Variants in HOXA3 observed in about 807,000 individuals in gnomAD.
HOXA3 encodes homeobox protein Hox-A3.
A neutral mutation model predicts 30.3 loss-of-function variants in HOXA3; 8 were observed. The observed-to-expected ratio is 0.26, with a 90% CI of 0.15 to 0.48. The LOEUF (loss-of-function observed/expected upper bound fraction) is 0.48, where lower values mean the gene tolerates loss of function less well. HOXA3 is among the 20% of genes least tolerant of loss of function. The pLI is 0.99. For missense variants in HOXA3, 653 were observed against 614.4 expected (o/e 1.06, Z -0.66); for synonymous variants, 323 against 273.1 (o/e 1.18, Z -1.80).
intron 4 of HOXA3, 36 bp from the exon 5 acceptor site, chr7:27,110,796 C>T (rs1472170105): frequency 8.3e-6 from 9 of 1,084,100 alleles, no homozygotes; most frequent in African/African-American, 4.7e-5. Context: ...GTGAGGGCTC[C>T]GCGCAAATCC....
rs1441252609 is a variant in HOXA3 at position 27,143,325 on chromosome 7, A to G, written c.-493-3139T>C. ...CAGGGCAGCGGATCGGGCTGAGGAG[A>G]GTGCGTGGACGTGGCCGGCTGGCTG... On this transcript the variant is annotated intron_variant, in intron 1 of 5. Transcript: ENST00000612286. The G allele has an allele frequency of 4.4e-6, 7 of 1,596,220 alleles. No individual in the cohort carries two copies. The highest frequency in any genetic ancestry group is 6.0e-6 in the Non-Finnish European group (7 of 1,174,700).
At chr7:27,127,226 C>T (rs1583393068) in intron 2 of HOXA3, among the ~76,000 whole-genome samples, 156 bp from the exon 3 acceptor site, 2 of 152,182 alleles carry the variant, frequency 1.3e-5, no homozygotes, top group African/African-American at 4.8e-5. Context: ...CCAGAAATCC[C>T]TGGCACCCGT....
At chr7:27,130,471 G>A in intron 2 of HOXA3, 1 of 1,254,746 alleles carries the variant, frequency 8.0e-7, no homozygotes, top group South Asian at 2.9e-5. Flanking sequence ...GGGGTACAGC[G>A]CGGCAGCAGG....
intron 3 of HOXA3, among the ~76,000 whole-genome samples, chr7:27,125,160 G>C (rs1015270312): frequency 6.6e-6 from 1 of 152,242 alleles, no homozygotes; most frequent in East Asian, 1.9e-4. Context: ...GAGGAAAGAT[G>C]TCTGTGCTCT....
rs3735527 is a variant in HOXA3 at position 27,142,115 on chromosome 7, C to G, written c.-493-1929G>C. ...AATAGAAAAGTCAGCGGTTTAGCCA[C>G]CAACTCCTGTCTTCCAAAGTCCGCC... On this transcript the variant is annotated intron_variant, in intron 1 of 5. Coordinates refer to ENST00000612286, the MANE Select transcript of HOXA3 (RefSeq NM_153631.3). 1.6e-5 allele frequency: 26 copies of G among 1,601,610 alleles called. No homozygotes were observed. In the East Asian group the frequency reaches 5.8e-4, roughly 36 times the overall value.
At position 27,108,464 on chromosome 7, in the gene HOXA3, G is replaced by GC. The variant is rs1156971437; in HGVS notation, c.782dup (p.Gln262ProfsTer29). On this transcript the variant is annotated frameshift_variant, in exon 6 of 6. Coordinates refer to ENST00000612286, the MANE Select transcript of HOXA3 (RefSeq NM_153631.3). LOFTEE classifies it high-confidence loss of function. The surrounding 1 kb of genome is among the most constrained non-coding windows in gnomAD (Gnocchi z 5.0). ...GCACGGGGCTGCGACTTGGAGACTGGCCCCCCGATGACGTTAGCATGCCCT... is the reference window on the plus strand; with the variant it reads ...GCACGGGGCTGCGACTTGGAGACTGGCCCCCCCGATGACGTTAGCATGCCCT... The GC allele has an allele frequency of 6.2e-7, 1 of 1,613,914 alleles. No homozygotes were observed. The highest frequency in any genetic ancestry group is 1.6e-4 in the Middle Eastern group (1 of 6,084).
chr7:27,109,204 G>A (rs1410346621), intron 5 of HOXA3, among the ~76,000 whole-genome samples: 1 of 152,216 alleles, frequency 6.6e-6, no homozygotes, highest in East Asian at 1.9e-4. Flanking sequence ...GAGGAGATGG[G>A]CAGACTGGAA....
chr7:27,129,390 C>T lies in HOXA3; in HGVS notation c.-389-2320G>A, dbSNP rs775659639. ...TGTGGTCTTTCTTCCACTTCATCCT[C>T]CGGTTCTGAAACCAGATCTTGACCT... On this transcript the variant is annotated intron_variant, in intron 2 of 5. Coordinates refer to ENST00000612286, the MANE Select transcript of HOXA3 (RefSeq NM_153631.3). The T allele has an allele frequency of 5.6e-6, 9 of 1,614,134 alleles. 1 individual carries two copies. The South Asian group carries it at 9.9e-5, about 18-fold the overall frequency.
intron 2 of HOXA3, among the ~76,000 whole-genome samples, chr7:27,127,834 G>A (rs538075144): frequency 6.6e-6 from 1 of 152,314 alleles, no homozygotes; most frequent in South Asian, 2.1e-4. Context: ...TTTGCATGGG[G>A]TGAACTTTAG....
At chr7:27,114,566 C>A (rs988881612) in intron 4 of HOXA3, among the ~76,000 whole-genome samples, 12 of 151,362 alleles carry the variant, frequency 7.9e-5, no homozygotes, top group African/African-American at 2.9e-4. Context: ...AGAAAAATGT[C>A]CTGGGAGAGA....
At position 27,145,943 on chromosome 7, in the gene HOXA3, G is replaced by A. The variant is rs568413914; in HGVS notation, c.-493-5757C>T. On this transcript the variant is annotated intron_variant, in intron 1 of 5. Coordinates refer to ENST00000612286, the MANE Select transcript of HOXA3 (RefSeq NM_153631.3). Reference sequence around the variant, plus strand: ...CTACGAGCAGAAACGGCCGGGCGCCGGTAAGCCAGGGCCTGGAGGGTTGAC... The same window carrying A: ...CTACGAGCAGAAACGGCCGGGCGCCAGTAAGCCAGGGCCTGGAGGGTTGAC... 5.6e-6 allele frequency: 9 copies of A among 1,601,328 alleles called. No individual in the cohort carries two copies. In the African/African-American group the frequency reaches 6.7e-5, roughly 12 times the overall value.
At chr7:27,144,948 A>C (rs1421946933) in intron 1 of HOXA3, among the ~76,000 whole-genome samples, 2 of 152,138 alleles carry the variant, frequency 1.3e-5, no homozygotes, top group Non-Finnish European at 2.9e-5. Flanking sequence ...TGGGAGCGGG[A>C]ATCCGGAGCC....
At chr7:27,125,245 G>A (rs190519685) in intron 3 of HOXA3, among the ~76,000 whole-genome samples, 197 of 152,326 alleles carry the variant, frequency 1.3e-3, no homozygotes, top group Admixed American at 2.5e-3. Flanking sequence ...GTGGAGGGAG[G>A]ATCATTCGGC....
chr7:27,139,333 A>AC (rs1260614519), intron 2 of HOXA3, among the ~76,000 whole-genome samples: 8 of 151,732 alleles, frequency 5.3e-5, no homozygotes, highest in African/African-American at 1.2e-4. Context: ...GGTCCTGAAC[A>AC]CCCCCCCACA....
chr7:27,134,429 T>C (rs1214269110), intron 2 of HOXA3: 1 of 152,252 alleles, frequency 6.6e-6, no homozygotes, highest in Non-Finnish European at 1.5e-5. Context: ...CAAGTACTCT[T>C]TTCTTTTACT....
In HOXA3 at chr7:27,108,527, C is replaced by T. The variant is rs1784162557; in HGVS notation, c.720G>A (p.Gln240=). ...CCTTTTTGTACTTCATGCGGCGATT[C>T]TGGAACCAGATCTTGATCTGGCGCT... is the stretch of plus-strand genomic sequence containing the variant. ...LTERQIKIWF[Q]NRRMKYKKDQ... The change falls in exon 6 of 6, where the codon CAG becomes CAA. Residue 240 remains glutamine, a synonymous_variant. Coordinates refer to ENST00000612286, the MANE Select transcript of HOXA3 (RefSeq NM_153631.3). This position sits in a 1 kb window ranked among gnomAD's most constrained non-coding sequence, Gnocchi z 5.0. The T allele has an allele frequency of 6.2e-7, 1 of 1,614,148 alleles. No homozygotes were observed. The highest frequency in any genetic ancestry group is 8.5e-7 in the Non-Finnish European group (1 of 1,180,010).
chr7:27,147,410 C>T lies in HOXA3; in HGVS notation c.-494+4878G>A, dbSNP rs62454418. On this transcript the variant is annotated intron_variant, in intron 1 of 5. Transcript: ENST00000612286. ...GCTTTGCCCTGCCCGCTGCTGCTGTCGGGTTTGTACTGCTGCTCGGGAGAA... is the reference window on the plus strand; with the variant it reads ...GCTTTGCCCTGCCCGCTGCTGCTGTTGGGTTTGTACTGCTGCTCGGGAGAA... 12 of 1,614,206 alleles carry T rather than the reference C, an allele frequency of 7.4e-6. No individual in the cohort carries two copies. In the African/African-American group the frequency reaches 1.3e-4, roughly 18 times the overall value.
chr7:27,137,611 AG>A (rs1255018106), intron 2 of HOXA3, among the ~76,000 whole-genome samples: 1 of 152,246 alleles, frequency 6.6e-6, no homozygotes, highest in Non-Finnish European at 1.5e-5. Context: ...CTATGAAAAT[AG>A]GAAGAAAGAA....
chr7:27,130,373 C>T, intron 2 of HOXA3: 1 of 1,144,524 alleles, frequency 8.7e-7, no homozygotes, highest in Non-Finnish European at 1.1e-6. Flanking sequence ...TTGGCTTGCG[C>T]CGGGGGCTGC....
Sources: gnomAD v4.1 joint callset for allele counts (sites outside exome capture counted in the v4.1 genomes callset) on GRCh38, gnomAD v4.1.1 for gene constraint, Gnocchi (gnomAD v3.1) non-coding constraint, MANE v1.5 for transcripts, NCBI Gene and HGNC (gene_info 2026-07-23, HGNC 2026-07-21) for gene names.